The following KCNQ1 variants were observed in gnomAD, a reference collection of about 807,000 sequenced individuals.
KCNQ1 encodes the protein potassium voltage-gated channel subfamily KQT member 1.
In KCNQ1, 49 loss-of-function variants were observed where a neutral mutation model predicts 72.4. The ratio of observed to expected loss-of-function variants is 0.68; its 90% confidence interval spans 0.54 to 0.86. The LOEUF is 0.86. KCNQ1 is among the 40% of genes least tolerant of loss of function. The probability of loss-of-function intolerance (pLI) is 0.00; values close to 1 mark genes in which losing one functional copy is unlikely to be tolerated. For synonymous variants in KCNQ1, 450 were observed against 412.6 expected (o/e 1.09, Z -1.10); for missense variants, 790 against 945.1 (o/e 0.84, Z 2.15).
In KCNQ1 at chr11:2,617,733, G is replaced by A; in HGVS notation, c.1393+28879G>A. 2.5e-6 allele frequency: 1 copy of A among 398,544 alleles called. No homozygotes were observed. Among genetic ancestry groups the A allele is most frequent in the Admixed American group, 4.4e-5 (1 of 22,734 alleles). The allele number at this position is 398,544 out of a possible 1,614,324, so 24.7% of individuals were successfully genotyped here. A position where few individuals can be genotyped will look rare whatever the true frequency, so the allele number is the denominator to read the frequency against. ...CAACACTTAATAGCTATTCTCATGA[G>A]TGTGAGGTGATATCGCATAGTAATT... is the stretch of plus-strand genomic sequence containing the variant. On this transcript the variant is annotated intron_variant, in intron 10 of 15. Transcript: ENST00000155840. This position sits in a 1 kb window ranked among gnomAD's most constrained non-coding sequence, Gnocchi z 4.6.
intron 11 of KCNQ1, among the ~76,000 whole-genome samples, chr11:2,721,003 T>C (rs1449585851): frequency 6.6e-6 from 1 of 152,110 alleles, no homozygotes; most frequent in Non-Finnish European, 1.5e-5. Context: ...GCCAGAGCCA[T>C]GGACGGTCCC....
intron 1 of KCNQ1, among the ~76,000 whole-genome samples, chr11:2,460,723 C>G (rs1045515517): frequency 2.0e-5 from 3 of 152,236 alleles, no homozygotes; most frequent in African/African-American, 4.8e-5. Context: ...TGGGTGGGAG[C>G]AACCCCCCAT....
intron 2 of KCNQ1, among the ~76,000 whole-genome samples, chr11:2,529,343 G>A (rs1338449338): frequency 2.0e-5 from 3 of 152,016 alleles, no homozygotes; most frequent in African/African-American, 2.4e-5. Flanking sequence ...TCCTGGTGGC[G>A]CTTGCAGCCT....
intron 11 of KCNQ1, among the ~76,000 whole-genome samples, chr11:2,755,054 T>C (rs1846278500): frequency 6.6e-6 from 1 of 152,234 alleles, no homozygotes; most frequent in Non-Finnish European, 1.5e-5. Context: ...GAGGGCGTCA[T>C]TAGGGCTAGA....
intron 11 of KCNQ1, among the ~76,000 whole-genome samples, chr11:2,701,983 GT>G (rs921691507): frequency 1.3e-5 from 2 of 152,230 alleles, no homozygotes; most frequent in African/African-American, 4.8e-5. Context: ...TGAGTTGAGG[GT>G]GGCCTCAGGC....
chr11:2,797,929 C>T (rs1368793876), intron 15 of KCNQ1, among the ~76,000 whole-genome samples: 1 of 152,244 alleles, frequency 6.6e-6, no homozygotes, highest in Non-Finnish European at 1.5e-5. Context: ...CCAGGCAGCC[C>T]AGGCTGCTCA....
rs536043845 is a variant in KCNQ1 at position 2,664,809 on chromosome 11, T to C, written c.1514+2728T>C. The stretch of plus-strand genomic sequence containing the variant: ...CAGTTACCAAAAAACATTTCCATTT[T>C]TCTTCAGCATTCTACTGATGTTAAA... On this transcript the variant is annotated intron_variant, in intron 11 of 15. Coordinates refer to ENST00000155840, the MANE Select transcript of KCNQ1 (RefSeq NM_000218.3). This position sits in a 1 kb window ranked among gnomAD's most constrained non-coding sequence, Gnocchi z 5.1. 87 of 398,600 alleles carry C rather than the reference T, an allele frequency of 2.2e-4. No individual in the cohort carries two copies. Among genetic ancestry groups the C allele is most frequent in the Admixed American group, 4.4e-5 (1 of 22,726 alleles). 24.7% of individuals were successfully genotyped at this position (398,600 alleles called of 1,614,324 possible).
In KCNQ1 at chr11:2,778,050, G is replaced by A. The variant is rs776674137; in HGVS notation, c.1794+13G>A. 23 of 1,612,904 alleles carry A rather than the reference G, an allele frequency of 1.4e-5. No individual in the cohort carries two copies. Among genetic ancestry groups the A allele is most frequent in the Admixed American group, 6.7e-5 (4 of 60,030 alleles). On this transcript the variant is annotated intron_variant, in intron 15 of 15. Coordinates refer to ENST00000155840, the MANE Select transcript of KCNQ1 (RefSeq NM_000218.3). ...AGTAGAAGACAAGGTAGGCTCACGC[G>A]CCGGCCTGCGGTGGTTCTGGTTAGC...
chr11:2,560,891 A>C (rs1274684645), intron 2 of KCNQ1, among the ~76,000 whole-genome samples: 3 of 152,076 alleles, frequency 2.0e-5, no homozygotes, highest in Non-Finnish European at 2.9e-5. Flanking sequence ...GCTTCACTGC[A>C]GGGAGAGTGA....
intron 15 of KCNQ1, among the ~76,000 whole-genome samples, chr11:2,840,982 C>T (rs1269878540): frequency 6.6e-6 from 1 of 152,214 alleles, no homozygotes; most frequent in East Asian, 1.9e-4. Flanking sequence ...GCTCCAGGCT[C>T]CAGGCTCTGG....
chr11:2,597,044 A>G (rs1848743192), intron 10 of KCNQ1, among the ~76,000 whole-genome samples: 1 of 152,236 alleles, frequency 6.6e-6, no homozygotes, highest in East Asian at 1.9e-4. Context: ...AGGATATTAA[A>G]ACAGTTCACA....
At chr11:2,840,827 T>G (rs542578571) in intron 15 of KCNQ1, among the ~76,000 whole-genome samples, 1 of 152,322 alleles carries the variant, frequency 6.6e-6, no homozygotes, top group East Asian at 1.9e-4. Context: ...GCACCCACCC[T>G]GGGAGGGAGT....
rs1846886352 is a variant in KCNQ1 at position 2,785,032 on chromosome 11, G to A, written c.1794+6995G>A. On this transcript the variant is annotated intron_variant, in intron 15 of 15. Transcript: ENST00000155840. This position sits in a 1 kb window ranked among gnomAD's most constrained non-coding sequence, Gnocchi z 4.4. Reference sequence around the variant, plus strand: ...TTTAATTTCTTTGTTTTGCCTAATTGCACTGGCTTGAACTTCAAAAAAAAT... The same window carrying A: ...TTTAATTTCTTTGTTTTGCCTAATTACACTGGCTTGAACTTCAAAAAAAAT... Among the ~76,000 whole-genome samples, 1 of 151,860 alleles carries A rather than the reference G, an allele frequency of 6.6e-6. No individual in the cohort carries two copies. The highest frequency in any genetic ancestry group is 6.5e-5 in the Admixed American group (1 of 15,274).
intron 5 of KCNQ1, among the ~76,000 whole-genome samples, chr11:2,572,554 G>C (rs1292303188): frequency 2.6e-5 from 4 of 152,204 alleles, no homozygotes; most frequent in Non-Finnish European, 4.4e-5. Flanking sequence ...TCCATTCTTG[G>C]TTCTGTCACG....
At chr11:2,472,459 G>C (rs1410193835) in intron 1 of KCNQ1, among the ~76,000 whole-genome samples, 1 of 152,128 alleles carries the variant, frequency 6.6e-6, no homozygotes, top group Non-Finnish European at 1.5e-5. Context: ...TCACAGGGCA[G>C]AGCTGGAAAG....
Position 2,745,372 on chromosome 11 carries a change from G to A in KCNQ1, c.1515-23472G>A, listed in dbSNP as rs1343144669. Among the ~76,000 whole-genome samples the A allele has an allele frequency of 1.3e-5, 2 of 152,060 alleles. No individual in the cohort carries two copies. The highest frequency in any genetic ancestry group is 2.9e-5 in the Non-Finnish European group (2 of 68,022). The stretch of plus-strand genomic sequence containing the variant: ...TGGGGTCTTGCTTCCATTATTCCTG[G>A]ATGAGACCTTCTTTCCCCTGCTATT... On this transcript the variant is annotated intron_variant, in intron 11 of 15. Transcript: ENST00000155840. The surrounding 1 kb of genome is among the most constrained non-coding windows in gnomAD (Gnocchi z 6.2).
intron 10 of KCNQ1, chr11:2,649,836 T>C (rs1849730439): frequency 2.5e-6 from 1 of 398,432 alleles, no homozygotes; most frequent in South Asian, 1.3e-4. Context: ...AGTCTCTTTC[T>C]CTCCCAAACT....
At chr11:2,847,056 G>T (rs554390333) in intron 15 of KCNQ1, among the ~76,000 whole-genome samples, 1 of 152,314 alleles carries the variant, frequency 6.6e-6, no homozygotes, top group South Asian at 2.1e-4. Flanking sequence ...GTCCCCGCTA[G>T]GTTAAAGACA....
chr11:2,763,499 A>C (rs1451738632), intron 11 of KCNQ1, among the ~76,000 whole-genome samples: 1 of 152,162 alleles, frequency 6.6e-6, no homozygotes, highest in Non-Finnish European at 1.5e-5. Flanking sequence ...TTTATTCTTA[A>C]GTTTCTGGTC....
Sources: gnomAD v4.1 joint callset for allele counts (sites outside exome capture counted in the v4.1 genomes callset) on GRCh38, gnomAD v4.1.1 for gene constraint, Gnocchi (gnomAD v3.1) non-coding constraint, MANE v1.5 for transcripts, NCBI Gene and HGNC (gene_info 2026-07-23, HGNC 2026-07-21) for gene names.